The following BLTP3A variants were observed in gnomAD, a reference collection of about 807,000 sequenced individuals.
BLTP3A encodes the protein ICBP90 binding protein 1.
chr6:34,859,378 C>T, the BLTP3A span: 1 of 1,614,036 alleles, frequency 6.2e-7, no homozygotes, highest in African/African-American at 1.3e-5. Context: ...ACAGGGTGAG[C>T]TCATCCCCTT....
the BLTP3A span, among the ~76,000 whole-genome samples, chr6:34,814,673 A>G: frequency 6.6e-6 from 1 of 152,198 alleles, no homozygotes; most frequent in African/African-American, 2.4e-5. Flanking sequence ...GCATGTTGCT[A>G]GAGACTGGGT....
chr6:34,876,413 G>C, the BLTP3A span: 5 of 152,278 alleles, frequency 3.3e-5, no homozygotes, highest in South Asian at 2.1e-4. Flanking sequence ...TCCCCTTAGT[G>C]GTAAACGGGT....
At chr6:34,869,083 G>A in the BLTP3A span, among the ~76,000 whole-genome samples, 2 of 151,686 alleles carry the variant, frequency 1.3e-5, no homozygotes, top group African/African-American at 2.4e-5. Flanking sequence ...TCGACGTGCT[G>A]CAACCTTCAC....
the BLTP3A span, among the ~76,000 whole-genome samples, chr6:34,802,599 G>A: frequency 1.3e-5 from 2 of 152,088 alleles, no homozygotes; most frequent in Non-Finnish European, 2.9e-5. Context: ...GACCTCAGGT[G>A]ATCCGCCTGC....
At chr6:34,834,383 A>G in the BLTP3A span, 504 of 1,613,478 alleles carry the variant, frequency 3.1e-4, 2 homozygotes, top group East Asian at 9.4e-3. Flanking sequence ...CCTTACCCGC[A>G]TCACTGACCC....
chr6:34,821,425 G>GCC, the BLTP3A span: 1 of 490,462 alleles, frequency 2.0e-6, no homozygotes, highest in Non-Finnish European at 3.7e-6. Flanking sequence ...GAGATGGTGT[G>GCC]GTCTGAGTGC....
chr6:34,804,684 A>G, the BLTP3A span, among the ~76,000 whole-genome samples: 1 of 152,166 alleles, frequency 6.6e-6, no homozygotes, highest in East Asian at 1.9e-4. Flanking sequence ...TTTGTACTAT[A>G]CCAAGACATC....
the BLTP3A span, among the ~76,000 whole-genome samples, chr6:34,832,461 G>A: frequency 6.6e-6 from 1 of 150,526 alleles, no homozygotes; most frequent in Admixed American, 6.6e-5. Context: ...TCTGAGACAG[G>A]GTCTGACTCT....
chr6:34,830,881 C>G, the BLTP3A span, among the ~76,000 whole-genome samples: 1 of 152,022 alleles, frequency 6.6e-6, no homozygotes, highest in African/African-American at 2.4e-5. Flanking sequence ...TTTTAATCAT[C>G]CTGGTGGGTG....
At chr6:34,860,982 T>A in the BLTP3A span, among the ~76,000 whole-genome samples, 13 of 152,304 alleles carry the variant, frequency 8.5e-5, no homozygotes, top group East Asian at 2.1e-3. Flanking sequence ...GCTGATCAGT[T>A]CATTCTGAAT....
the BLTP3A span, among the ~76,000 whole-genome samples, chr6:34,812,656 G>C: frequency 6.6e-6 from 1 of 150,796 alleles, no homozygotes; most frequent in Middle Eastern, 3.4e-3. Flanking sequence ...TTTTCATAGA[G>C]ACAGGGTCTC....
At chr6:34,810,402 C>T in the BLTP3A span, among the ~76,000 whole-genome samples, 2 of 152,226 alleles carry the variant, frequency 1.3e-5, no homozygotes, top group East Asian at 1.9e-4. Flanking sequence ...CCTCATAACA[C>T]GTGAGCTTAC....
At chr6:34,823,139 A>C in the BLTP3A span, 1 of 782,492 alleles carries the variant, frequency 1.3e-6, no homozygotes. Flanking sequence ...GTCTGCCCAC[A>C]ATGGGTATAG....
the BLTP3A span, among the ~76,000 whole-genome samples, chr6:34,802,570 A>G: frequency 6.6e-6 from 1 of 152,136 alleles, no homozygotes; most frequent in African/African-American, 2.4e-5. Context: ...CATGTTGGCC[A>G]GGCTGGTCTT....
chr6:34,847,424 C>T, the BLTP3A span, among the ~76,000 whole-genome samples: 1 of 152,044 alleles, frequency 6.6e-6, no homozygotes, highest in East Asian at 1.9e-4. Flanking sequence ...AGCAGTGAAG[C>T]TATTGGGTCC....
the BLTP3A span, among the ~76,000 whole-genome samples, chr6:34,840,220 A>G: frequency 3.3e-5 from 5 of 152,142 alleles, no homozygotes; most frequent in African/African-American, 1.2e-4. Context: ...TTTCATGTTG[A>G]TTCCATGTTG....
chr6:34,871,597 C>G, the BLTP3A span: 49 of 1,612,846 alleles, frequency 3.0e-5, no homozygotes, highest in Non-Finnish European at 3.7e-5. Context: ...GATATCCCCC[C>G]CATCTATCCA....
the BLTP3A span, chr6:34,856,793 C>T: frequency 1.2e-6 from 2 of 1,611,478 alleles, no homozygotes; most frequent in Non-Finnish European, 1.7e-6. Flanking sequence ...TATTTAGATT[C>T]TCTTTCCAGT....
the BLTP3A span, chr6:34,821,593 G>A: frequency 7.4e-6 from 11 of 1,485,222 alleles, no homozygotes; most frequent in Non-Finnish European, 1.0e-5. Context: ...TGTTTTGGCT[G>A]TAATACCCAA....
Sources: allele counts gnomAD v4.1 joint callset (sites outside exome capture counted in the v4.1 genomes callset), GRCh38; gene constraint gnomAD v4.1.1; transcripts MANE v1.5; gene names NCBI Gene and HGNC (gene_info 2026-07-23, HGNC 2026-07-21).